Variants in ANO9 observed in about 807,000 individuals in gnomAD.
ANO9 encodes anoctamin-9.
A neutral mutation model predicts 100.5 loss-of-function variants in ANO9; 80 were observed. The observed-to-expected ratio is 0.80, with a 90% CI of 0.66 to 0.96. The LOEUF (loss-of-function observed/expected upper bound fraction) is 0.96. ANO9 is among the 40% of genes least tolerant of loss of function. The pLI is 0.00. For missense variants in ANO9, 1,064 were observed against 1,072.7 expected (o/e 0.99, Z 0.11); for synonymous variants, 473 against 435.6 (o/e 1.09, Z -1.07).
intron 1 of ANO9, among the ~76,000 whole-genome samples, chr11:438,661 C>T (rs961097429): frequency 4.6e-5 from 7 of 151,188 alleles, no homozygotes; most frequent in African/African-American, 1.2e-4. Flanking sequence ...CCTACAGGAC[C>T]AGGCCATCCA....
chr11:431,744 C>A lies in ANO9; in HGVS notation c.489G>T (p.Thr163=). The A allele has an allele frequency of 1.2e-6, 2 of 1,612,692 alleles. No individual in the cohort carries two copies. Among genetic ancestry groups the A allele is most frequent in the Non-Finnish European group, 1.7e-6 (2 of 1,179,580 alleles). Residue 163 remains threonine (T), a synonymous_variant, in exon 7 of 23, where the codon ACG becomes ACT. Coordinates refer to ENST00000332826, the MANE Select transcript of ANO9 (RefSeq NM_001012302.3). ...GGAACATGTGTCTCCACCGCGCCCA[C>A]GTCTTCTTCAGGCGTCCCTCCCCCT... ...LHKGEGRLKK[T]WARWRHMFRE...
Position 433,400 on chromosome 11 carries a change from G to A in ANO9, c.264C>T (p.Gly88=). The change falls in exon 4 of 23, where the codon GGC becomes GGT. Residue 88 remains glycine, a synonymous_variant. Coordinates refer to ENST00000332826, the MANE Select transcript of ANO9 (RefSeq NM_001012302.3). The part of the protein sequence containing the change: ...FGIRADNSVF[G]LYRTLLLEPE... Reference sequence around the variant, plus strand: ...GCTCCAGGAGGAGAGTGCGGTACAGGCCAAAGACACTGTTGTCAGCACGGA... The same window carrying A: ...GCTCCAGGAGGAGAGTGCGGTACAGACCAAAGACACTGTTGTCAGCACGGA... 6.2e-7 allele frequency: 1 copy of A among 1,613,270 alleles called. No individual in the cohort carries two copies. Among genetic ancestry groups the A allele is most frequent in the South Asian group, 1.1e-5 (1 of 91,088 alleles).
chr11:430,811 G>C (rs1409086212), intron 7 of ANO9, among the ~76,000 whole-genome samples: 1 of 83,302 alleles, frequency 1.2e-5, no homozygotes, highest in Non-Finnish European at 2.5e-5. Context: ...GGGGGGTGTG[G>C]GGGCGTCCGC....
At chr11:426,910 A>T (rs1848551999) in intron 15 of ANO9, among the ~76,000 whole-genome samples, 1 of 152,148 alleles carries the variant, frequency 6.6e-6, no homozygotes, top group Non-Finnish European at 1.5e-5. Flanking sequence ...ACCAATTGAC[A>T]CTGAGGCCCC....
intron 19 of ANO9, 143 bp from the exon 20 acceptor site, chr11:419,872 G>A: frequency 6.9e-7 from 1 of 1,455,824 alleles, no homozygotes; most frequent in Non-Finnish European, 9.0e-7. Flanking sequence ...GTATTCACAA[G>A]GAAGTCCCCA....
In ANO9 at chr11:418,756, G is replaced by A. The variant is rs1430005263; in HGVS notation, c.2094C>T (p.Leu698=). ...TGACGAAGGCCAGGCGGATGGCCAGGAGGAACCAGAACTGCTCGGAGAAGT... is the reference window on the plus strand; with the variant it reads ...TGACGAAGGCCAGGCGGATGGCCAGAAGGAACCAGAACTGCTCGGAGAAGT... ...DYNFSEQFWF[L]LAIRLAFVIL... is the part of the protein sequence containing the mutation. The change falls in exon 22 of 23, where the codon CTC becomes CTT. Residue 698 remains leucine (L), a synonymous_variant. Transcript: ENST00000332826. The A allele has an allele frequency of 6.2e-7, 1 of 1,613,144 alleles. No homozygotes were observed. Among genetic ancestry groups the A allele is most frequent in the Admixed American group, 1.7e-5 (1 of 60,028 alleles).
intron 1 of ANO9, among the ~76,000 whole-genome samples, chr11:437,387 C>T (rs951555199): frequency 1.3e-5 from 2 of 152,180 alleles, no homozygotes; most frequent in Non-Finnish European, 2.9e-5. Flanking sequence ...CAGTGCCACA[C>T]TGCAGCCTCC....
chr11:435,791 A>G (rs1427695639), intron 1 of ANO9, among the ~76,000 whole-genome samples: 1 of 150,436 alleles, frequency 6.6e-6, no homozygotes, highest in East Asian at 1.9e-4. Context: ...CTAGTCTAGT[A>G]TAGCATAGGA....
At chr11:423,118 A>G (rs1467979791) in intron 15 of ANO9, among the ~76,000 whole-genome samples, 5 of 152,158 alleles carry the variant, frequency 3.3e-5, no homozygotes, top group African/African-American at 1.2e-4. Flanking sequence ...GTGAGCCACC[A>G]CACCCAGCTA....
intron 8 of ANO9, 41 bp downstream of exon 8, chr11:430,228 C>G: frequency 6.4e-7 from 1 of 1,550,696 alleles, no homozygotes; most frequent in Non-Finnish European, 8.7e-7. Flanking sequence ...GGCAGCAGGG[C>G]CCACCCCGGC....
intron 1 of ANO9, among the ~76,000 whole-genome samples, chr11:436,065 T>C (rs1214318547): frequency 6.6e-5 from 5 of 75,740 alleles, no homozygotes; most frequent in African/African-American, 1.3e-4. Flanking sequence ...TTTCTTTCCT[T>C]TTTTTTTTTT....
At chr11:427,962 G>A in intron 15 of ANO9, 126 bp downstream of exon 15, 1 of 343,556 alleles carries the variant, frequency 2.9e-6, no homozygotes, top group Non-Finnish European at 5.0e-6. Flanking sequence ...CATGTCTCTA[G>A]ATTGGATTTC....
chr11:431,697 A>G lies in ANO9; in HGVS notation c.536T>C (p.Ile179Thr). ...TGCTCTCTTTGGGCAGCGTTACCTG[A>G]TTTCATCAACTGGCTGCTCCCGGAA... ...HMFREQPVDE[I>T]RNYFGEKVAL... Residue 179 changes from isoleucine (I) to threonine (T), a missense_variant, in exon 7 of 23, where the codon ATC becomes ACC. Physicochemically the swap from Ile to Thr is moderately conservative, Grantham distance 89. Coordinates refer to ENST00000332826, the MANE Select transcript of ANO9 (RefSeq NM_001012302.3). 3.1e-6 allele frequency: 5 copies of G among 1,612,284 alleles called. No individual in the cohort carries two copies. Among genetic ancestry groups the G allele is most frequent in the Non-Finnish European group, 4.2e-6 (5 of 1,179,428 alleles).
intron 15 of ANO9, among the ~76,000 whole-genome samples, chr11:424,426 T>G (rs1476853601): frequency 6.6e-6 from 1 of 152,204 alleles, no homozygotes; most frequent in Admixed American, 6.5e-5. Context: ...TGGAGATAAT[T>G]TCTTAACCTC....
Position 432,574 on chromosome 11 carries a change from C to G in ANO9, c.351-520G>C. On this transcript the variant is annotated intron_variant, in intron 4 of 22. Coordinates refer to ENST00000332826, the MANE Select transcript of ANO9 (RefSeq NM_001012302.3). This position sits in a 1 kb window ranked among gnomAD's most constrained non-coding sequence, Gnocchi z 4.8. ...CCTCCCCCTGTGCCTACAGACATGG[C>G]TCCTGGACACCCCAGGGCACGTCGC... 2 of 161,740 alleles carry G rather than the reference C, an allele frequency of 1.2e-5. No homozygotes were observed. The highest frequency in any genetic ancestry group is 2.7e-5 in the Non-Finnish European group (2 of 73,852). The allele number at this position is 161,740 out of a possible 1,614,324, so 10.0% of individuals were successfully genotyped here.
chr11:431,916 A>G lies in ANO9; in HGVS notation c.407-10T>C, dbSNP rs918962516. The G allele has an allele frequency of 8.7e-6, 14 of 1,611,394 alleles. No individual in the cohort carries two copies. The highest frequency in any genetic ancestry group is 2.2e-5 in the East Asian group (1 of 44,826). On this transcript the variant is annotated splice_polypyrimidine_tract_variant and intron_variant, in intron 5 of 22. Coordinates refer to ENST00000332826, the MANE Select transcript of ANO9 (RefSeq NM_001012302.3). Reference sequence around the variant, plus strand: ...AGATCCTCGAAGGTCTCTGGGTCACAGGGGTTCACGAGTCAGGGGGAGTGA... The same window carrying G: ...AGATCCTCGAAGGTCTCTGGGTCACGGGGGTTCACGAGTCAGGGGGAGTGA...
chr11:439,545 C>T (rs184782463), intron 1 of ANO9, among the ~76,000 whole-genome samples: 66 of 152,100 alleles, frequency 4.3e-4, no homozygotes, highest in South Asian at 4.2e-4. Context: ...GGGGGTCCCA[C>T]GACGCACATC....
In ANO9 at chr11:432,097, C is replaced by A. The variant is rs755673363; in HGVS notation, c.351-43G>T. On this transcript the variant is annotated intron_variant, in intron 4 of 22. Coordinates refer to ENST00000332826, the MANE Select transcript of ANO9 (RefSeq NM_001012302.3). This position sits in a 1 kb window ranked among gnomAD's most constrained non-coding sequence, Gnocchi z 4.8. Reference sequence around the variant, plus strand: ...GGTGGCCCCGTGTGACCACAGTGGACCCTGCCTCCAGGTCTCAACCTGCCC... The same window carrying A: ...GGTGGCCCCGTGTGACCACAGTGGAACCTGCCTCCAGGTCTCAACCTGCCC... 3 of 1,608,126 alleles carry A rather than the reference C, an allele frequency of 1.9e-6. No homozygotes were observed. Among genetic ancestry groups the A allele is most frequent in the African/African-American group, 1.3e-5 (1 of 74,874 alleles).
At chr11:425,488 T>C (rs937875774) in intron 15 of ANO9, among the ~76,000 whole-genome samples, 18 of 151,264 alleles carry the variant, frequency 1.2e-4, no homozygotes, top group Non-Finnish European at 2.7e-4. Flanking sequence ...AACAAAGAGC[T>C]GTACAATAAA....
Sources: allele counts gnomAD v4.1 joint callset (sites outside exome capture counted in the v4.1 genomes callset), GRCh38; gene constraint gnomAD v4.1.1; non-coding constraint Gnocchi (gnomAD v3.1); transcripts MANE v1.5; gene names NCBI Gene and HGNC (gene_info 2026-07-23, HGNC 2026-07-21).